Variants in SIPA1L1 observed in about 807,000 individuals in gnomAD.
SIPA1L1 encodes the protein signal induced proliferation associated 1 like 1.
SIPA1L1 carries 26 observed loss-of-function variants against 162.7 expected under a neutral mutation model. The observed-to-expected ratio is 0.16, with a 90% confidence interval of 0.12 to 0.22. SIPA1L1 has a LOEUF of 0.22. Among genes scored for constraint, SIPA1L1 ranks in the 10% least tolerant of loss-of-function variants. The probability of loss-of-function intolerance (pLI) is 1.00; values close to 1 mark genes in which losing one functional copy is unlikely to be tolerated. For synonymous variants in SIPA1L1, 829 were observed against 837.4 expected (o/e 0.99, Z 0.17); for missense variants, 1,874 against 2,241.0 (o/e 0.84, Z 3.31).
intron 7 of SIPA1L1, among the ~76,000 whole-genome samples, chr14:71,631,192 A>G (rs1161502733): frequency 6.6e-6 from 1 of 152,162 alleles, no homozygotes; most frequent in Non-Finnish European, 1.5e-5. Flanking sequence ...CCTGAAAAGG[A>G]CATGAACTCA....
intron 7 of SIPA1L1, among the ~76,000 whole-genome samples, chr14:71,646,223 C>G (rs1162225713): frequency 6.7e-6 from 1 of 150,082 alleles, no homozygotes; most frequent in African/African-American, 2.5e-5. Flanking sequence ...GTCTCCCAGG[C>G]TGGAGTGCAG....
intron 2 of SIPA1L1, chr14:71,398,244 T>C (rs1030499683): frequency 7.2e-5 from 11 of 152,156 alleles, no homozygotes; most frequent in African/African-American, 2.4e-4. Context: ...CAAAATTTAA[T>C]TGCATTTCTT....
At chr14:71,383,152 G>A (rs959917826) in intron 2 of SIPA1L1, among the ~76,000 whole-genome samples, 1 of 152,166 alleles carries the variant, frequency 6.6e-6, no homozygotes, top group African/African-American at 2.4e-5. Flanking sequence ...TGTTTAACTT[G>A]TGCTGTTTTA....
chr14:71,605,397 G>A (rs536048102), intron 5 of SIPA1L1, among the ~76,000 whole-genome samples: 13 of 152,180 alleles, frequency 8.5e-5, no homozygotes, highest in Middle Eastern at 3.4e-3. Context: ...GGGATCTGTT[G>A]CTGGAGACTT....
intron 12 of SIPA1L1, among the ~76,000 whole-genome samples, chr14:71,680,810 T>TA (rs2045729931): frequency 6.6e-6 from 1 of 152,048 alleles, no homozygotes; most frequent in African/African-American, 2.4e-5. Context: ...TCTACGCAAA[T>TA]AAACTAGAAA....
intron 2 of SIPA1L1, among the ~76,000 whole-genome samples, chr14:71,508,449 T>C (rs540423550): frequency 9.9e-5 from 15 of 152,278 alleles, no homozygotes; most frequent in Admixed American, 9.8e-4. Flanking sequence ...ATCTGGGTCA[T>C]GGGAAAGGCT....
At chr14:71,498,228 G>A (rs1555439649) in intron 2 of SIPA1L1, among the ~76,000 whole-genome samples, 1 of 152,110 alleles carries the variant, frequency 6.6e-6, no homozygotes, top group Non-Finnish European at 1.5e-5. Flanking sequence ...ATCTTTTCTT[G>A]ATAACAAAGT....
Position 71,671,351 on chromosome 14 carries a change from G to A in SIPA1L1, c.2488G>A (p.Gly830Ser). The A allele has an allele frequency of 6.2e-7, 1 of 1,614,168 alleles. No individual in the cohort carries two copies. Among genetic ancestry groups the A allele is most frequent in the South Asian group, 1.1e-5 (1 of 91,086 alleles). ...NVTNTPIDPS[G>S]KFPFISLASK... is the part of the protein sequence containing the mutation. ...CACCAACACCCCTATCGACCCTTCT[G>A]GCAAGTTTCCGTTCATCTCTCTGGC... The change falls in exon 11 of 24, where the codon GGC (glycine) becomes AGC (serine). Residue 830 changes from glycine (G) to serine (S), a missense_variant. Transcript: ENST00000381232.
rs773332694 is a variant in SIPA1L1 at position 71,672,490 on chromosome 14, G to C, written c.2972G>C (p.Gly991Ala). The C allele has an allele frequency of 6.2e-7, 1 of 1,614,226 alleles. No homozygotes were observed. The highest frequency in any genetic ancestry group is 8.5e-7 in the Non-Finnish European group (1 of 1,180,036). Residue 991 changes from glycine to alanine, a missense_variant, in exon 12 of 24, where the codon GGC becomes GCC. This residue lies in a region of SIPA1L1 where 936 missense variants were observed against 1,051.9 expected (regional missense o/e 0.89). Transcript: ENST00000381232. Reference protein sequence around the residue: ...GYAWQAGLRQGSRLVEICKVA... With the variant: ...GYAWQAGLRQASRLVEICKVA... ...GCCTGGCAGGCAGGGCTGAGGCAGG[G>C]CAGTCGCCTGGTGGAGATCTGCAAG...
chr14:71,403,671 C>T (rs1221266429), intron 2 of SIPA1L1, among the ~76,000 whole-genome samples: 1 of 150,454 alleles, frequency 6.6e-6, no homozygotes, highest in Non-Finnish European at 1.5e-5. Flanking sequence ...AATGGCTATC[C>T]TTTTTATCAA....
At chr14:71,668,844 A>C (rs1471663073) in intron 10 of SIPA1L1, among the ~76,000 whole-genome samples, 1 of 152,232 alleles carries the variant, frequency 6.6e-6, no homozygotes, top group Non-Finnish European at 1.5e-5. Flanking sequence ...AGCCAAGCAG[A>C]GGCCCTTTGG....
At chr14:71,472,990 C>T (rs926247513) in intron 2 of SIPA1L1, among the ~76,000 whole-genome samples, 1 of 151,660 alleles carries the variant, frequency 6.6e-6, no homozygotes, top group Non-Finnish European at 1.5e-5. Context: ...GGACTATAGG[C>T]GTTAGCCACA....
intron 17 of SIPA1L1, among the ~76,000 whole-genome samples, chr14:71,721,778 G>C (rs1013150807): frequency 1.3e-5 from 2 of 152,214 alleles, no homozygotes; most frequent in Non-Finnish European, 2.9e-5. Context: ...GGTGTCACAT[G>C]GGGTCATGTG....
At chr14:71,472,424 A>T (rs1004382735) in intron 2 of SIPA1L1, among the ~76,000 whole-genome samples, 1 of 151,808 alleles carries the variant, frequency 6.6e-6, no homozygotes, top group African/African-American at 2.4e-5. Context: ...TGTGGTCATG[A>T]TGACTATAAA....
intron 2 of SIPA1L1, among the ~76,000 whole-genome samples, chr14:71,463,102 T>C (rs2046730373): frequency 6.6e-6 from 1 of 152,186 alleles, no homozygotes; most frequent in East Asian, 1.9e-4. Context: ...CCAAATGGGA[T>C]CACCATCCCT....
chr14:71,584,036 T>C (rs1041328695), intron 4 of SIPA1L1, among the ~76,000 whole-genome samples: 1 of 152,130 alleles, frequency 6.6e-6, no homozygotes, highest in Non-Finnish European at 1.5e-5. Context: ...CCTAATACAC[T>C]CAGTGCTCAC....
rs547835885 is a variant in SIPA1L1, at chr14:71,608,596, T to TA, written c.1499-10153dup. 2.7e-4 allele frequency among the ~76,000 whole-genome samples: 41 copies of TA among 151,894 alleles called. No individual in the cohort carries two copies. The South Asian group carries it at 5.0e-3, about 19-fold the overall frequency. On this transcript the variant is annotated intron_variant, in intron 5 of 23. Coordinates refer to ENST00000381232, the MANE Select transcript of SIPA1L1 (RefSeq NM_001386936.1). ...GCAAACCAAATGCATTTTTTATACT[T>TA]AAAAAAAAGAAATCTTCTGGCCAGG...
chr14:71,628,081 T>C (rs2148675842), intron 7 of SIPA1L1, among the ~76,000 whole-genome samples: 1 of 152,242 alleles, frequency 6.6e-6, no homozygotes, highest in East Asian at 1.9e-4. Flanking sequence ...GCCCAGGAGT[T>C]CGAGACCAGC....
chr14:71,686,096 AAC>A (rs1235458954), intron 13 of SIPA1L1, among the ~76,000 whole-genome samples: 1 of 152,234 alleles, frequency 6.6e-6, no homozygotes, highest in African/African-American at 2.4e-5. Flanking sequence ...AAACTAGTAT[AAC>A]ACAAACATAT....
Sources: gnomAD v4.1 joint callset for allele counts (sites outside exome capture counted in the v4.1 genomes callset) on GRCh38, gnomAD v4.1.1 for gene constraint, gnomAD v4.1.1 regional missense constraint, MANE v1.5 for transcripts, NCBI Gene and HGNC (gene_info 2026-07-23, HGNC 2026-07-21) for gene names.